TDO2: variants seen among roughly 807,000 people sequenced by gnomAD.
TDO2 encodes the protein tryptamin 2,3-dioxygenase.
TDO2 carries 63 observed loss-of-function variants against 61.2 expected under a neutral mutation model. The ratio of observed to expected loss-of-function variants is 1.03; its 90% CI spans 0.84 to 1.27. The LOEUF is 1.27. TDO2 is among the 50% of genes most tolerant of loss of function. The probability of loss-of-function intolerance (pLI) is 0.00; values close to 1 mark genes in which losing one functional copy is unlikely to be tolerated. For missense variants in TDO2, 494 were observed against 469.5 expected (o/e 1.05, Z -0.48); for synonymous variants, 183 against 164.0 (o/e 1.12, Z -0.89).
chr4:155,908,477 C>T (rs559492243), intron 4 of TDO2, among the ~76,000 whole-genome samples: 1 of 152,270 alleles, frequency 6.6e-6, no homozygotes, highest in South Asian at 2.1e-4. Flanking sequence ...TGCATGAATC[C>T]ACTTCCCATT....
chr4:155,909,111 C>T, intron 5 of TDO2, 97 bp downstream of exon 5: 1 of 1,281,584 alleles, frequency 7.8e-7, no homozygotes, highest in Non-Finnish European at 1.0e-6. Flanking sequence ...CATGAGGAGC[C>T]TGTCTTACTA....
In TDO2 at chr4:155,910,147, A is replaced by G. The variant is rs138036577; in HGVS notation, c.554A>G (p.Lys185Arg). The part of the protein sequence containing the change: ...YNRRHYRDNF[K>R]GEENELLLKS... The stretch of plus-strand genomic sequence containing the variant: ...AGAAGACATTATCGTGATAACTTCA[A>G]AGGAGAAGAAAATGAACTGCTACTT... The change falls in exon 6 of 12, where the codon AAA becomes AGA. Residue 185 changes from lysine (K) to arginine (R), a missense_variant. Lys to Arg is a conservative substitution (Grantham distance 26, BLOSUM62 2). Transcript: ENST00000536354. The G allele has an allele frequency of 1.7e-3, 2,717 of 1,598,942 alleles. 6 individuals are homozygous for G. Among genetic ancestry groups the G allele is most frequent in the Admixed American group, 3.1e-3 (173 of 56,644 alleles).
In TDO2 at chr4:155,910,162, A is replaced by G; in HGVS notation, c.569A>G (p.Glu190Gly). ...YRDNFKGEEN[E>G]LLLKSEQEKT... The stretch of plus-strand genomic sequence containing the variant: ...GATAACTTCAAAGGAGAAGAAAATG[A>G]ACTGCTACTTAAATCTGAGCAGGAA... Residue 190 changes from glutamate to glycine, a missense_variant, in exon 6 of 12, where the codon GAA becomes GGA. By Grantham distance (98) the Glu-to-Gly change is moderately conservative. Coordinates refer to ENST00000536354, the MANE Select transcript of TDO2 (RefSeq NM_005651.4). 1 of 1,596,474 alleles carries G rather than the reference A, an allele frequency of 6.3e-7. No individual in the cohort carries two copies. The highest frequency in any genetic ancestry group is 1.1e-5 in the South Asian group (1 of 88,688).
chr4:155,908,671 A>C (rs2271537), intron 4 of TDO2, among the ~76,000 whole-genome samples: 62,291 of 152,062 alleles, frequency 0.41, 15,755 homozygotes, highest in East Asian at 0.73. Flanking sequence ...CTTCTATATA[A>C]TTTTCTATTG....
At chr4:155,913,520 A>G (rs1233262294) in intron 7 of TDO2, among the ~76,000 whole-genome samples, 1 of 152,090 alleles carries the variant, frequency 6.6e-6, no homozygotes, top group African/African-American at 2.4e-5. Flanking sequence ...AGCATAGTCT[A>G]TGGTTGTAAT....
chr4:155,911,211 T>C (rs566593029), intron 6 of TDO2, among the ~76,000 whole-genome samples: 1 of 152,064 alleles, frequency 6.6e-6, no homozygotes, highest in South Asian at 2.1e-4. Flanking sequence ...TTTAAATATG[T>C]TTGTAGATTT....
In TDO2 at chr4:155,917,477, A is replaced by C. The variant is rs762320539; in HGVS notation, c.976+3A>C. The stretch of plus-strand genomic sequence containing the variant: ...TTCACTGATGACCAAATGGAGATGT[A>C]AGTCCTTCCCACTCACCCCATGTTG... On this transcript the variant is annotated splice_donor_region_variant and intron_variant, in intron 10 of 11. Coordinates refer to ENST00000536354, the MANE Select transcript of TDO2 (RefSeq NM_005651.4). 2 of 1,606,774 alleles carry C rather than the reference A, an allele frequency of 1.2e-6. No homozygotes were observed. Among genetic ancestry groups the C allele is most frequent in the Admixed American group, 3.4e-5 (2 of 58,482 alleles).
At chr4:155,915,427 T>C (rs1742913675) in intron 8 of TDO2, among the ~76,000 whole-genome samples, 1 of 152,198 alleles carries the variant, frequency 6.6e-6, no homozygotes, top group African/African-American at 2.4e-5. Context: ...TGATTTTACA[T>C]AATTGTGCTC....
At chr4:155,917,372 T>A (rs1367802425) in intron 9 of TDO2, 23 bp from the exon 10 acceptor site, 2 of 1,589,602 alleles carry the variant, frequency 1.3e-6, no homozygotes, top group Non-Finnish European at 8.6e-7. Flanking sequence ...TATATTCTTC[T>A]TTTTCTTCTT....
At chr4:155,907,051 T>C (rs1452646711) in intron 3 of TDO2, 1 of 152,176 alleles carries the variant, frequency 6.6e-6, no homozygotes, top group Non-Finnish European at 1.5e-5. Context: ...TATTCAGGTT[T>C]GAACAAATAA....
Position 155,920,081 on chromosome 4 carries a change from T to G in TDO2, c.*91T>G. 8.2e-7 allele frequency: 1 copy of G among 1,219,996 alleles called. No individual in the cohort carries two copies. The allele number at this position is 1,219,996 out of a possible 1,614,324, so 75.6% of individuals were successfully genotyped here. On this transcript the variant is annotated 3_prime_UTR_variant, in exon 12 of 12. Coordinates refer to ENST00000536354, the MANE Select transcript of TDO2 (RefSeq NM_005651.4). ...CATAAATACAGTTTGAATATATGTA[T>G]GCATATATTGTTCAGCACCACGATG...
At chr4:155,911,279 A>G (rs1244539306) in intron 6 of TDO2, among the ~76,000 whole-genome samples, 1 of 152,080 alleles carries the variant, frequency 6.6e-6, no homozygotes, top group East Asian at 1.9e-4. Context: ...AAGAGTAAAC[A>G]TTATTAACCA....
At chr4:155,911,830 A>G (rs138892385) in intron 7 of TDO2, among the ~76,000 whole-genome samples, 146 of 152,274 alleles carry the variant, frequency 9.6e-4, no homozygotes, top group African/African-American at 3.4e-3. Context: ...GTCTATGATA[A>G]CTAGCTGAGA....
chr4:155,919,262 T>C (rs1743001351), intron 11 of TDO2, among the ~76,000 whole-genome samples: 1 of 152,184 alleles, frequency 6.6e-6, no homozygotes, highest in Non-Finnish European at 1.5e-5. Flanking sequence ...AACCAGAATT[T>C]GAACCCAGAT....
chr4:155,908,209 G>A (rs978936771), intron 4 of TDO2, among the ~76,000 whole-genome samples: 4 of 151,916 alleles, frequency 2.6e-5, no homozygotes, highest in African/African-American at 4.8e-5. Flanking sequence ...GTGGGAGGAA[G>A]AAAAAGAGGA....
At chr4:155,913,631 C>T (rs773814507) in intron 7 of TDO2, among the ~76,000 whole-genome samples, 11 of 152,024 alleles carry the variant, frequency 7.2e-5, no homozygotes, top group Non-Finnish European at 1.0e-4. Context: ...AATTTTATCT[C>T]TATCATCTTA....
intron 11 of TDO2, among the ~76,000 whole-genome samples, chr4:155,919,629 C>A (rs189137809): frequency 5.3e-5 from 8 of 152,042 alleles, no homozygotes; most frequent in Non-Finnish European, 1.0e-4. Flanking sequence ...GTTTTATGGG[C>A]ATAAACTTTG....
intron 8 of TDO2, 49 bp from the exon 9 acceptor site, chr4:155,915,806 A>C (rs1234434303): frequency 1.3e-6 from 2 of 1,521,388 alleles, no homozygotes; most frequent in Admixed American, 3.8e-5. Context: ...ATTAATACAA[A>C]ATTACCTTAA....
At chr4:155,910,756 C>T (rs929812095) in intron 6 of TDO2, among the ~76,000 whole-genome samples, 1 of 152,026 alleles carries the variant, frequency 6.6e-6, no homozygotes, top group African/African-American at 2.4e-5. Context: ...CTTTCCATTA[C>T]AAAGCCTTTT....
Sources: allele counts gnomAD v4.1 joint callset (sites outside exome capture counted in the v4.1 genomes callset), GRCh38; gene constraint gnomAD v4.1.1; transcripts MANE v1.5; gene names NCBI Gene and HGNC (gene_info 2026-07-23, HGNC 2026-07-21).